Variants in YWHAE observed in about 807,000 individuals in gnomAD.
The protein encoded by YWHAE is tyrosine 3-monooxygenase/tryptophan 5-monooxygenase activation protein epsilon.
Under a neutral mutation model 30.1 loss-of-function variants are expected in YWHAE, and 4 were observed. The observed-to-expected ratio is 0.13, with a 90% CI of 0.07 to 0.30. The LOEUF (loss-of-function observed/expected upper bound fraction) is 0.30. Among genes scored for constraint, YWHAE ranks in the 10% least tolerant of loss-of-function variants. YWHAE has a pLI of 1.00. For synonymous variants in YWHAE, 118 were observed against 111.8 expected, an observed-to-expected ratio of 1.06 and a Z score of -0.35; for missense variants, 121 against 315.9, an observed-to-expected ratio of 0.38 and a Z score of 4.68.
intron 3 of YWHAE, among the ~76,000 whole-genome samples, chr17:1,361,520 G>C (rs1429148801): frequency 6.6e-6 from 1 of 151,810 alleles, no homozygotes; most frequent in Non-Finnish European, 1.5e-5. Flanking sequence ...AAAATCCCAG[G>C]AAATTAACTG....
intron 4 of YWHAE, among the ~76,000 whole-genome samples, chr17:1,359,924 GGA>G (rs2072832070): frequency 1.5e-5 from 1 of 65,160 alleles, no homozygotes; most frequent in African/African-American, 9.5e-5. Flanking sequence ...ACGGGGAGGG[GGA>G]GGGGGGGAGG....
intron 1 of YWHAE, among the ~76,000 whole-genome samples, chr17:1,393,939 T>C (rs1396132095): frequency 6.6e-6 from 1 of 152,186 alleles, no homozygotes; most frequent in Non-Finnish European, 1.5e-5. Flanking sequence ...GAAAAGATTT[T>C]GTCTACAATT....
At chr17:1,354,095 CA>C (rs2072686747) in intron 5 of YWHAE, 115 bp downstream of exon 5, 11 of 1,307,446 alleles carry the variant, frequency 8.4e-6, no homozygotes, top group Non-Finnish European at 1.0e-5. Context: ...TCATAGAGGG[CA>C]GGCGGTGAAT....
intron 1 of YWHAE, among the ~76,000 whole-genome samples, chr17:1,374,640 T>C (rs1168548956): frequency 6.6e-6 from 1 of 152,208 alleles, no homozygotes; most frequent in Non-Finnish European, 1.5e-5. Context: ...TGTGAAGCTG[T>C]ATCTCTTTGT....
At chr17:1,361,814 A>G (rs2072869212) in intron 3 of YWHAE, 88 bp downstream of exon 3, 1 of 761,866 alleles carries the variant, frequency 1.3e-6, no homozygotes, top group African/African-American at 1.8e-5. Context: ...ATTCTTAAAT[A>G]AAAGTTGAAA....
intron 1 of YWHAE, among the ~76,000 whole-genome samples, chr17:1,387,843 C>T (rs1380378298): frequency 1.3e-5 from 2 of 151,494 alleles, no homozygotes; most frequent in Non-Finnish European, 2.9e-5. Flanking sequence ...CCAGCCTGAT[C>T]CTGAACTCCT....
intron 1 of YWHAE, among the ~76,000 whole-genome samples, chr17:1,378,840 G>C (rs745979949): frequency 1.3e-5 from 2 of 151,858 alleles, no homozygotes; most frequent in Admixed American, 6.6e-5. Flanking sequence ...CCAGCTACTC[G>C]GGAGGCTGAG....
At chr17:1,357,933 A>G (rs537244293) in intron 4 of YWHAE, among the ~76,000 whole-genome samples, 41 of 147,404 alleles carry the variant, frequency 2.8e-4, no homozygotes, top group South Asian at 1.1e-3. Flanking sequence ...CTCTCGGGGG[A>G]AAAAAAAAAA....
intron 1 of YWHAE, among the ~76,000 whole-genome samples, chr17:1,381,866 C>T (rs2073212457): frequency 7.2e-6 from 1 of 138,222 alleles, no homozygotes; most frequent in African/African-American, 2.8e-5. Context: ...TGAGCCCAGA[C>T]TGGCCCACTG....
intron 1 of YWHAE, among the ~76,000 whole-genome samples, chr17:1,387,780 G>A (rs1290451701): frequency 1.3e-5 from 2 of 150,970 alleles, no homozygotes; most frequent in Non-Finnish European, 2.9e-5. Flanking sequence ...ACGCCACCAC[G>A]CCCGTCTAAT....
At chr17:1,351,138 A>G (rs975808204) in intron 5 of YWHAE, among the ~76,000 whole-genome samples, 1 of 152,046 alleles carries the variant, frequency 6.6e-6, no homozygotes, top group Non-Finnish European at 1.5e-5. Flanking sequence ...AGATGGGCAG[A>G]TCACAAGGTC....
intron 3 of YWHAE, 68 bp from the exon 4 acceptor site, chr17:1,361,366 A>T: frequency 7.5e-7 from 1 of 1,338,314 alleles, no homozygotes; most frequent in Non-Finnish European, 1.0e-6. Flanking sequence ...AAGGAAAATA[A>T]GCTAAAATTG....
At chr17:1,392,425 T>C (rs904545134) in intron 1 of YWHAE, among the ~76,000 whole-genome samples, 20 of 152,142 alleles carry the variant, frequency 1.3e-4, no homozygotes, top group African/African-American at 4.8e-4. Flanking sequence ...ATTTCAAAAA[T>C]AGTGAAAATA....
chr17:1,382,442 C>T (rs773431237), intron 1 of YWHAE, among the ~76,000 whole-genome samples: 2 of 150,890 alleles, frequency 1.3e-5, no homozygotes, highest in South Asian at 4.2e-4. Flanking sequence ...CGGCAAGCTC[C>T]GCCTCCCGGG....
chr17:1,362,970 T>C (rs2150851230), intron 2 of YWHAE, among the ~76,000 whole-genome samples: 2 of 152,040 alleles, frequency 1.3e-5, no homozygotes, highest in East Asian at 3.9e-4. Flanking sequence ...TATTTCTCAG[T>C]TTTTGTCATC....
At chr17:1,394,294 G>T (rs533156990) in intron 1 of YWHAE, among the ~76,000 whole-genome samples, 6 of 151,964 alleles carry the variant, frequency 3.9e-5, no homozygotes, top group African/African-American at 1.2e-4. Context: ...GTGAACTGAG[G>T]TACTGCATAA....
intron 1 of YWHAE, among the ~76,000 whole-genome samples, chr17:1,369,013 T>C (rs2072989601): frequency 1.3e-5 from 2 of 152,236 alleles, no homozygotes; most frequent in African/African-American, 4.8e-5. Flanking sequence ...TTAGTATTTT[T>C]ATAATGCAAA....
At position 1,400,126 on chromosome 17, in the gene YWHAE, G is replaced by C; in HGVS notation, c.-16C>G. 1 of 1,613,966 alleles carries C rather than the reference G, an allele frequency of 6.2e-7. No homozygotes were observed. The highest frequency in any genetic ancestry group is 8.5e-7 in the Non-Finnish European group (1 of 1,180,002). ...GATCATCCATAGCGGCAGCGGCTCC[G>C]GCAGGGTCTGCGCGACGGATGGAAG... On this transcript the variant is annotated 5_prime_UTR_variant, in exon 1 of 6. Coordinates refer to ENST00000264335, the MANE Select transcript of YWHAE (RefSeq NM_006761.5).
chr17:1,356,217 A>ACACACAC, intron 4 of YWHAE, among the ~76,000 whole-genome samples: 3 of 92,336 alleles, frequency 3.2e-5, no homozygotes, highest in Admixed American at 9.8e-5. Context: ...CACACACACA[A>ACACACAC]AATTAGCCGG....
Sources: gnomAD v4.1 joint callset for allele counts (sites outside exome capture counted in the v4.1 genomes callset) on GRCh38, gnomAD v4.1.1 for gene constraint, MANE v1.5 for transcripts, NCBI Gene and HGNC (gene_info 2026-07-23, HGNC 2026-07-21) for gene names.